PRPSAP2: variants seen among roughly 807,000 people sequenced by gnomAD.
PRPSAP2 encodes the protein phosphoribosyl pyrophosphate synthase-associated protein 2.
In PRPSAP2, 24 loss-of-function variants were observed where a neutral mutation model predicts 40.6. The ratio of observed to expected loss-of-function variants is 0.59; its 90% CI spans 0.43 to 0.83. PRPSAP2 has a LOEUF of 0.83. PRPSAP2 is among the 40% of genes least tolerant of loss of function. The pLI is 0.00. For synonymous variants in PRPSAP2, 149 were observed against 164.7 expected, an observed-to-expected ratio of 0.90 and a Z score of 0.73; for missense variants, 292 against 465.6, an observed-to-expected ratio of 0.63 and a Z score of 3.43.
At chr17:18,856,508 A>T (rs540626648), upstream of PRPSAP2, 1 of 152,292 alleles carries the variant, frequency 6.6e-6, no homozygotes, top group South Asian at 2.1e-4. Context: ...AGGCAAAGGA[A>T]ATGTTTCAAA....
rs1423431290 is a variant in PRPSAP2 at position 18,930,793 on chromosome 17, T to C, written c.*95T>C. On this transcript the variant is annotated 3_prime_UTR_variant, in exon 12 of 12. Transcript: ENST00000268835. ...TCACAGGAACCGTCATGCTTGTTCC[T>C]CCCTCTCCCCTGTAACCTCACTTCT... The C allele has an allele frequency of 1.0e-5, 12 of 1,162,448 alleles. No homozygotes were observed. The highest frequency in any genetic ancestry group is 1.3e-5 in the Non-Finnish European group (11 of 849,554). The allele number at this position is 1,162,448 out of a possible 1,614,324, so 72.0% of individuals were successfully genotyped here.
intron 5 of PRPSAP2, 61 bp downstream of exon 5, chr17:18,872,710 A>G: frequency 8.0e-7 from 1 of 1,243,692 alleles, no homozygotes; most frequent in Non-Finnish European, 1.2e-6. Context: ...TGTTTAAAAT[A>G]ATGATAGATG....
In PRPSAP2 at chr17:18,871,653, CTTTTTTT is replaced by C. The variant is rs142523345; in HGVS notation, c.173-912_173-906del. Among the ~76,000 whole-genome samples the C allele has an allele frequency of 2.5e-4, 33 of 129,854 alleles. No homozygotes were observed. In the South Asian group the frequency reaches 2.8e-3, roughly 11 times the overall value. The allele number at this position is 129,854 out of a possible 152,430, so 85.2% of individuals were successfully genotyped here. ...GCTGATTGAATGAGTATATAATTTTCTTTTTTTTTTTTTTTTTTTTTTTTGAGACGGA... is the reference window on the plus strand; with the variant it reads ...GCTGATTGAATGAGTATATAATTTTCTTTTTTTTTTTTTTTTTGAGACGGA... On this transcript the variant is annotated intron_variant, in intron 4 of 11. Coordinates refer to ENST00000268835, the MANE Select transcript of PRPSAP2 (RefSeq NM_002767.4).
chr17:18,886,758 G>A (rs1465364131), intron 7 of PRPSAP2, among the ~76,000 whole-genome samples: 1 of 151,954 alleles, frequency 6.6e-6, no homozygotes, highest in African/African-American at 2.4e-5. Flanking sequence ...TTGACCTACT[G>A]GTAGGGATCT....
chr17:18,875,329 C>T (rs1470427194), intron 5 of PRPSAP2, among the ~76,000 whole-genome samples: 1 of 151,926 alleles, frequency 6.6e-6, no homozygotes, highest in East Asian at 1.9e-4. Flanking sequence ...TTTGGGAGGT[C>T]GAGGTGGGCA....
intron 8 of PRPSAP2, chr17:18,908,407 A>C: frequency 1.3e-6 from 1 of 761,494 alleles, no homozygotes; most frequent in Non-Finnish European, 2.5e-6. Context: ...AAGATGAAGA[A>C]CTTTTAAAAA....
upstream of PRPSAP2, among the ~76,000 whole-genome samples, chr17:18,857,461 T>A (rs960882245): frequency 6.6e-6 from 1 of 151,762 alleles, no homozygotes; most frequent in Non-Finnish European, 1.5e-5. Flanking sequence ...TCACCCAGGC[T>A]GGAGAGCAGT....
intron 8 of PRPSAP2, among the ~76,000 whole-genome samples, chr17:18,907,330 G>A (rs770439475): frequency 8.6e-5 from 13 of 152,034 alleles, no homozygotes; most frequent in Non-Finnish European, 1.5e-4. Context: ...AATGATAAAG[G>A]GGTCAGTTCT....
At chr17:18,862,540 C>T (rs915613343) in intron 1 of PRPSAP2, among the ~76,000 whole-genome samples, 5 of 152,048 alleles carry the variant, frequency 3.3e-5, no homozygotes, top group South Asian at 2.1e-4. Flanking sequence ...GTAGCATGTC[C>T]GATATGCAGG....
chr17:18,871,860 A>G (rs541700092), intron 4 of PRPSAP2, among the ~76,000 whole-genome samples: 3 of 152,100 alleles, frequency 2.0e-5, no homozygotes, highest in Non-Finnish European at 4.4e-5. Context: ...GGGTTTCTCT[A>G]TGTTGGTCAG....
chr17:18,894,457 C>T (rs1292115924), intron 8 of PRPSAP2, among the ~76,000 whole-genome samples: 4 of 148,698 alleles, frequency 2.7e-5, no homozygotes, highest in East Asian at 1.9e-4. Flanking sequence ...CCATGCCCGG[C>T]CCTCTGTAGC....
At position 18,878,281 on chromosome 17, in the gene PRPSAP2, C is replaced by G. The variant is rs545679266; in HGVS notation, c.412+411C>G. On this transcript the variant is annotated intron_variant, in intron 6 of 11. Coordinates refer to ENST00000268835, the MANE Select transcript of PRPSAP2 (RefSeq NM_002767.4). ...GGGCACAGCAGCTCACGCCTGCAAT[C>G]CCAATGCTTTGGGAAGCTATGTGGG... Among the ~76,000 whole-genome samples the G allele has an allele frequency of 3.9e-5, 6 of 152,274 alleles. No homozygotes were observed. In the South Asian group the frequency reaches 1.0e-3, roughly 26 times the overall value.
At chr17:18,903,089 C>T (rs1331615941) in intron 8 of PRPSAP2, among the ~76,000 whole-genome samples, 2 of 151,906 alleles carry the variant, frequency 1.3e-5, no homozygotes, top group Non-Finnish European at 2.9e-5. Flanking sequence ...CTCTTTTTCT[C>T]CCAGTTTCAG....
intron 11 of PRPSAP2, among the ~76,000 whole-genome samples, chr17:18,929,252 G>T (rs2042131503): frequency 6.6e-6 from 1 of 152,064 alleles, no homozygotes; most frequent in Admixed American, 6.6e-5. Context: ...AGCTACTTGG[G>T]AGGCTGAGGC....
intron 9 of PRPSAP2, among the ~76,000 whole-genome samples, chr17:18,915,022 G>A (rs57387458): frequency 0.012 from 1,588 of 129,284 alleles, 34 homozygotes; most frequent in African/African-American, 0.044. Context: ...CACTGCACCC[G>A]ACCTTTTTTT....
intron 11 of PRPSAP2, 95 bp downstream of exon 11, chr17:18,929,052 T>C: frequency 1.3e-6 from 2 of 1,505,138 alleles, no homozygotes; most frequent in East Asian, 2.3e-5. Context: ...CTGAGATCTT[T>C]TGTGGCTGAG....
intron 7 of PRPSAP2, among the ~76,000 whole-genome samples, chr17:18,886,332 G>A (rs575095353): frequency 1.3e-4 from 19 of 151,604 alleles, no homozygotes; most frequent in Admixed American, 1.1e-3. Context: ...TAGGATGCTC[G>A]TTGCCTTGAA....
chr17:18,892,727 G>GTGTGTGTTTATT (rs60288281), intron 8 of PRPSAP2, among the ~76,000 whole-genome samples: 3 of 126,626 alleles, frequency 2.4e-5, no homozygotes, highest in Non-Finnish European at 5.0e-5. Flanking sequence ...GTGTGTGTGT[G>GTGTGTGTTTATT]TATTTATTTA....
intron 8 of PRPSAP2, among the ~76,000 whole-genome samples, chr17:18,892,741 A>ATTTTT (rs1252254393): frequency 0.015 from 1,075 of 69,654 alleles, 37 homozygotes; most frequent in African/African-American, 0.049. Flanking sequence ...TTATTTATTT[A>ATTTTT]TTTATTTTTT....
Sources: gnomAD v4.1 joint callset for allele counts (sites outside exome capture counted in the v4.1 genomes callset) on GRCh38, gnomAD v4.1.1 for gene constraint, MANE v1.5 for transcripts, NCBI Gene and HGNC (gene_info 2026-07-23, HGNC 2026-07-21) for gene names.